Variants in UBXN2A observed in about 807,000 individuals in gnomAD.
The protein encoded by UBXN2A is UBX domain protein 2A, also known as UBX domain-containing protein 2A.
UBXN2A carries 28 observed loss-of-function variants against 28.4 expected under a neutral mutation model. That is an observed-to-expected ratio of 0.99 (90% CI 0.73 to 1.35). The LOEUF is 1.35. UBXN2A is among the 40% of genes most tolerant of loss of function. UBXN2A has a pLI of 0.00. For synonymous variants in UBXN2A, 97 were observed against 103.6 expected, an observed-to-expected ratio of 0.94 and a Z score of 0.39; for missense variants, 253 against 297.9, an observed-to-expected ratio of 0.85 and a Z score of 1.11.
At position 23,971,624 on chromosome 2, in the gene UBXN2A, G is replaced by A. The variant is rs141449417; in HGVS notation, c.180+210G>A. 4.6e-5 allele frequency among the ~76,000 whole-genome samples: 7 copies of A among 152,152 alleles called. No individual in the cohort carries two copies. The South Asian group carries it at 6.2e-4, about 14-fold the overall frequency. Reference sequence around the variant, plus strand: ...CTGCCTCAGCATTCGCAGGTAGCCCGGACCTCAGCACACACCACCATGCCC... The same window carrying A: ...CTGCCTCAGCATTCGCAGGTAGCCCAGACCTCAGCACACACCACCATGCCC... On this transcript the variant is annotated intron_variant, in intron 3 of 6. Coordinates refer to ENST00000309033, the MANE Select transcript of UBXN2A (RefSeq NM_181713.4).
At chr2:23,997,903 C>T (rs1708603602) in intron 6 of UBXN2A, among the ~76,000 whole-genome samples, 1 of 151,764 alleles carries the variant, frequency 6.6e-6, no homozygotes, top group South Asian at 2.1e-4. Flanking sequence ...ACCTCGCCTC[C>T]TGGGTTCAAG....
At chr2:23,968,894 C>CTTTTTTTTTTTTT (rs551302005) in intron 2 of UBXN2A, 6 of 130,608 alleles carry the variant, frequency 4.6e-5, no homozygotes, top group Admixed American at 8.0e-5. Flanking sequence ...TTTCTTTTTT[C>CTTTTTTTTTTTTT]TTTTTTTTTT....
chr2:23,987,595 G>A (rs971099839), intron 6 of UBXN2A, among the ~76,000 whole-genome samples: 10 of 151,914 alleles, frequency 6.6e-5, no homozygotes, highest in Non-Finnish European at 1.2e-4. Flanking sequence ...TGGCAAGCAC[G>A]GTGAAACCCC....
intron 2 of UBXN2A, among the ~76,000 whole-genome samples, chr2:23,966,144 C>CT (rs960703496): frequency 8.1e-4 from 118 of 145,616 alleles, no homozygotes; most frequent in Admixed American, 1.3e-3. Flanking sequence ...TAGTTATTTT[C>CT]TTTTTTTTTT....
intron 1 of UBXN2A, among the ~76,000 whole-genome samples, chr2:23,929,616 GGCAGGATAATC>G (rs1705311221): frequency 6.6e-6 from 1 of 151,890 alleles, no homozygotes; most frequent in South Asian, 2.1e-4. Context: ...GGGAGGCTGA[GGCAGGATAATC>G]GCTTGAACCC....
chr2:23,952,856 G>A (rs935472718), intron 1 of UBXN2A, among the ~76,000 whole-genome samples: 2 of 151,958 alleles, frequency 1.3e-5, no homozygotes, highest in Non-Finnish European at 2.9e-5. Flanking sequence ...TGAGATTACA[G>A]GTGTGAGCCA....
intron 2 of UBXN2A, among the ~76,000 whole-genome samples, chr2:23,963,737 G>A (rs934833979): frequency 1.3e-4 from 20 of 152,052 alleles, no homozygotes; most frequent in African/African-American, 4.3e-4. Flanking sequence ...ACAGTATGGC[G>A]ATTCCTCAAA....
At chr2:23,945,515 A>G (rs1706026266) in intron 1 of UBXN2A, among the ~76,000 whole-genome samples, 1 of 152,208 alleles carries the variant, frequency 6.6e-6, no homozygotes, top group Non-Finnish European at 1.5e-5. Context: ...ATCACATTCC[A>G]TAGAAGATCT....
chr2:23,973,184 T>C (rs1707492420), intron 3 of UBXN2A, among the ~76,000 whole-genome samples: 1 of 151,524 alleles, frequency 6.6e-6, no homozygotes, highest in South Asian at 2.1e-4. Context: ...CATGCCTAGC[T>C]AATTTTTTGT....
chr2:23,935,477 C>T (rs922381131), upstream of UBXN2A, among the ~76,000 whole-genome samples: 4 of 152,014 alleles, frequency 2.6e-5, no homozygotes, highest in African/African-American at 4.8e-5. Flanking sequence ...AGCCAATAGG[C>T]GCATGAAAAG....
intron 1 of UBXN2A, among the ~76,000 whole-genome samples, chr2:23,928,765 AC>A (rs1248862100): frequency 6.6e-6 from 1 of 152,148 alleles, no homozygotes; most frequent in East Asian, 1.9e-4. Flanking sequence ...AAACTGTACA[AC>A]ACTGGAAATG....
rs912616500 is a variant in UBXN2A, at chr2:23,950,878, C to T, written c.-14-7423C>T. Among the ~76,000 whole-genome samples the T allele has an allele frequency of 4.0e-5, 6 of 151,758 alleles. No individual in the cohort carries two copies. The South Asian group carries it at 8.3e-4, about 21-fold the overall frequency. On this transcript the variant is annotated intron_variant, in intron 1 of 6. Transcript: ENST00000309033. The stretch of plus-strand genomic sequence containing the variant: ...GCCACCACACCCATGCGTGGTTCGC[C>T]GTGTTGGCCAGGCTGGTCTCGAACT...
Position 24,004,443 on chromosome 2 carries a change from C to G in UBXN2A, c.*4576C>G, listed in dbSNP as rs1708764769. Reference sequence around the variant, plus strand: ...GGCTGAGGTGGATGGATCACGAGGTCAAGAGATCGAGACCATCCTGGTCAA... The same window carrying G: ...GGCTGAGGTGGATGGATCACGAGGTGAAGAGATCGAGACCATCCTGGTCAA... On this transcript the variant is annotated 3_prime_UTR_variant, in exon 7 of 7. Coordinates refer to ENST00000309033, the MANE Select transcript of UBXN2A (RefSeq NM_181713.4). The G allele has an allele frequency of 6.6e-6, 1 of 152,220 alleles. No individual in the cohort carries two copies. The highest frequency in any genetic ancestry group is 1.5e-5 in the Non-Finnish European group (1 of 68,086). The allele number at this position is 152,220 out of a possible 1,614,324, so 9.4% of individuals were successfully genotyped here. A position where few individuals can be genotyped will look rare whatever the true frequency, so the allele number is the denominator to read the frequency against.
At chr2:23,990,918 C>T (rs1708329435) in intron 6 of UBXN2A, among the ~76,000 whole-genome samples, 1 of 152,060 alleles carries the variant, frequency 6.6e-6, no homozygotes, top group African/African-American at 2.4e-5. Flanking sequence ...TCCTTAAAAG[C>T]TACTAAGCCA....
intron 1 of UBXN2A, among the ~76,000 whole-genome samples, chr2:23,941,053 TC>T (rs1705731724): frequency 6.6e-6 from 1 of 152,154 alleles, no homozygotes; most frequent in South Asian, 2.1e-4. Context: ...TTCACCCGAC[TC>T]CCACCACTCA....
intron 1 of UBXN2A, among the ~76,000 whole-genome samples, chr2:23,928,234 GAAAAAGAAAGAAAGAAAA>G: frequency 1.4e-5 from 2 of 145,398 alleles, no homozygotes; most frequent in African/African-American, 2.6e-5. Flanking sequence ...AAGAAAGAAA[GAAAAAGAAAGAAAGAAAA>G]GCTCTGCTGT....
At position 24,003,801 on chromosome 2, in the gene UBXN2A, CAGTT is replaced by C. The variant is rs1206250416; in HGVS notation, c.*3936_*3939del. ...TCTGATATAGAAAATAACAGGATGA[CAGTT>C]AATACATGTTCAGGAATCTAAGAAA... On this transcript the variant is annotated 3_prime_UTR_variant, in exon 7 of 7. Transcript: ENST00000309033. 1 of 148,422 alleles carries C rather than the reference CAGTT, an allele frequency of 6.7e-6. No individual in the cohort carries two copies. Among genetic ancestry groups the C allele is most frequent in the East Asian group, 2.0e-4 (1 of 5,088 alleles). 9.2% of individuals were successfully genotyped at this position (148,422 alleles called of 1,614,324 possible).
At chr2:23,938,887 AGAATG>A (rs1317836951), upstream of UBXN2A, among the ~76,000 whole-genome samples, 1 of 152,152 alleles carries the variant, frequency 6.6e-6, no homozygotes, top group African/African-American at 2.4e-5. Context: ...GAGCTCTCAC[AGAATG>A]GTCAAAGAAA....
At chr2:23,951,967 C>CT (rs901333812) in intron 1 of UBXN2A, among the ~76,000 whole-genome samples, 14,954 of 132,314 alleles carry the variant, frequency 0.11, 1,027 homozygotes, top group South Asian at 0.16. Flanking sequence ...AGTTTTTTTC[C>CT]TTTTTTTTTT....
Sources: gnomAD v4.1 joint callset for allele counts (sites outside exome capture counted in the v4.1 genomes callset) on GRCh38, gnomAD v4.1.1 for gene constraint, MANE v1.5 for transcripts, NCBI Gene and HGNC (gene_info 2026-07-23, HGNC 2026-07-21) for gene names.